The following KCNH8 variants were observed in gnomAD, a reference collection of about 807,000 sequenced individuals.
KCNH8 encodes the protein voltage-gated delayed rectifier potassium channel KCNH8.
In KCNH8, 70 loss-of-function variants were observed where a neutral mutation model predicts 103.6. That is an observed-to-expected ratio of 0.68 (90% confidence interval 0.56 to 0.82). The LOEUF is 0.82. Among genes scored for constraint, KCNH8 ranks in the 40% least tolerant of loss-of-function variants. KCNH8 has a pLI of 0.00. For synonymous variants in KCNH8, 498 were observed against 489.4 expected (o/e 1.02, Z -0.23); for missense variants, 1,217 against 1,329.9 (o/e 0.92, Z 1.32).
In KCNH8 at chr3:19,170,677, C is replaced by CACACACATATAT. The variant is rs1331987858; in HGVS notation, c.76+21896_76+21907dup. ...ACATATATACACACATATATATACA[C>CACACACATATAT]ACACACATATATACACACATATATA... is the stretch of plus-strand genomic sequence containing the variant. On this transcript the variant is annotated intron_variant, in intron 1 of 15. Coordinates refer to ENST00000328405, the MANE Select transcript of KCNH8 (RefSeq NM_144633.3). Among the ~76,000 whole-genome samples, 77 of 144,034 alleles carry CACACACATATAT rather than the reference C, an allele frequency of 5.3e-4. 1 individual carries two copies. The highest frequency in any genetic ancestry group is 3.6e-3 in the Middle Eastern group (1 of 278). The allele number at this position is 144,034 out of a possible 152,430, so 94.5% of individuals were successfully genotyped here. A position where few individuals can be genotyped will look rare whatever the true frequency, so the allele number is the denominator to read the frequency against.
chr3:19,323,724 C>T (rs1441930832), intron 3 of KCNH8, among the ~76,000 whole-genome samples: 1 of 152,086 alleles, frequency 6.6e-6, no homozygotes, highest in African/African-American at 2.4e-5. Context: ...TCCCTTTCCC[C>T]TAAGGATGGG....
chr3:19,239,685 C>T (rs375958464), intron 1 of KCNH8, among the ~76,000 whole-genome samples: 28 of 127,238 alleles, frequency 2.2e-4, no homozygotes, highest in Admixed American at 3.9e-4. Context: ...TATCTATCTA[C>T]CTACCTACCT....
intron 1 of KCNH8, among the ~76,000 whole-genome samples, chr3:19,181,463 A>G (rs1043744370): frequency 6.6e-6 from 1 of 152,186 alleles, no homozygotes; most frequent in African/African-American, 2.4e-5. Context: ...AATTAATGAT[A>G]TGTAAATATC....
chr3:19,314,004 C>T (rs960438504), intron 3 of KCNH8, among the ~76,000 whole-genome samples: 3 of 151,776 alleles, frequency 2.0e-5, no homozygotes, highest in East Asian at 1.9e-4. Flanking sequence ...TACTTGCAAA[C>T]GTTCTCCCCC....
chr3:19,380,896 T>G (rs2066279412), intron 5 of KCNH8, among the ~76,000 whole-genome samples: 4 of 152,214 alleles, frequency 2.6e-5, no homozygotes, highest in African/African-American at 9.6e-5. Context: ...CACAAAAATA[T>G]GAGCAATTTC....
chr3:19,304,026 G>A (rs2065097732), intron 3 of KCNH8, among the ~76,000 whole-genome samples: 1 of 152,066 alleles, frequency 6.6e-6, no homozygotes, highest in Non-Finnish European at 1.5e-5. Context: ...AGAAAATCAG[G>A]CAGTACTAAA....
chr3:19,531,905 A>G (rs1378118899), intron 15 of KCNH8, among the ~76,000 whole-genome samples: 1 of 152,242 alleles, frequency 6.6e-6, no homozygotes, highest in Admixed American at 6.5e-5. Flanking sequence ...TCACGATAGT[A>G]AAATAAAGTC....
intron 11 of KCNH8, among the ~76,000 whole-genome samples, chr3:19,488,643 G>C (rs116543353): frequency 6.6e-6 from 1 of 151,992 alleles, no homozygotes; most frequent in African/African-American, 2.4e-5. Context: ...GTAACCTTTT[G>C]AGCCCCTTTC....
chr3:19,494,315 T>C (rs1000504743), intron 11 of KCNH8, among the ~76,000 whole-genome samples: 14 of 152,330 alleles, frequency 9.2e-5, no homozygotes, highest in African/African-American at 2.4e-4. Flanking sequence ...TGAGAGATGA[T>C]TGAATCATGG....
chr3:19,279,122 C>G (rs2064719521), intron 2 of KCNH8, among the ~76,000 whole-genome samples: 1 of 152,132 alleles, frequency 6.6e-6, no homozygotes, highest in South Asian at 2.1e-4. Context: ...ATTACTTTCT[C>G]TAAGGTCTGA....
Position 19,253,676 on chromosome 3 carries a change from T to A in KCNH8, c.99T>A (p.Asn33Lys). 1 of 1,613,510 alleles carries A rather than the reference T, an allele frequency of 6.2e-7. No individual in the cohort carries two copies. Among genetic ancestry groups the A allele is most frequent in the Non-Finnish European group, 8.5e-7 (1 of 1,179,738 alleles). The part of the protein sequence containing the change: ...DGTHSNFILA[N>K]AQVAKGFPIV... ...TAGATAGCAACTTCATCCTTGCCAATGCCCAGGTGGCTAAGGGTTTCCCCA... is the reference window on the plus strand; with the variant it reads ...TAGATAGCAACTTCATCCTTGCCAAAGCCCAGGTGGCTAAGGGTTTCCCCA... Residue 33 changes from asparagine (N) to lysine (K), a missense_variant, in exon 2 of 16, where the codon AAT becomes AAA. By Grantham distance (94) the Asn-to-Lys change is moderately conservative. Transcript: ENST00000328405.
At chr3:19,438,708 C>T (rs2067236272) in intron 8 of KCNH8, among the ~76,000 whole-genome samples, 1 of 152,156 alleles carries the variant, frequency 6.6e-6, no homozygotes, top group Non-Finnish European at 1.5e-5. Context: ...TTATAATACA[C>T]ATTTGCCCTG....
chr3:19,384,882 A>G (rs998173664), intron 5 of KCNH8, among the ~76,000 whole-genome samples: 1 of 152,188 alleles, frequency 6.6e-6, no homozygotes, highest in Non-Finnish European at 1.5e-5. Flanking sequence ...GAGGCTTACT[A>G]TGTAAAATGA....
At chr3:19,201,664 C>T (rs1325970926) in intron 1 of KCNH8, among the ~76,000 whole-genome samples, 1 of 151,954 alleles carries the variant, frequency 6.6e-6, no homozygotes, top group Non-Finnish European at 1.5e-5. Context: ...CTAACCTGGG[C>T]CCCCCACCTT....
intron 15 of KCNH8, among the ~76,000 whole-genome samples, chr3:19,524,073 T>C (rs2069020263): frequency 6.6e-6 from 1 of 151,870 alleles, no homozygotes; most frequent in African/African-American, 2.4e-5. Context: ...AGAAACAGGA[T>C]ACTACTAATA....
At chr3:19,474,519 C>T (rs917213056) in intron 11 of KCNH8, among the ~76,000 whole-genome samples, 2 of 152,082 alleles carry the variant, frequency 1.3e-5, no homozygotes, top group African/African-American at 4.8e-5. Context: ...ACTGAAGTAC[C>T]TCGAAATTAT....
At chr3:19,492,819 G>T (rs559029637) in intron 11 of KCNH8, among the ~76,000 whole-genome samples, 1 of 145,530 alleles carries the variant, frequency 6.9e-6, no homozygotes, top group Non-Finnish European at 1.5e-5. Context: ...CTTGAGCATG[G>T]AATGTTTTTT....
At chr3:19,201,231 CAAAAAAA>C (rs1170312203) in intron 1 of KCNH8, among the ~76,000 whole-genome samples, 109 of 22,056 alleles carry the variant, frequency 4.9e-3, no homozygotes, top group African/African-American at 0.016. Flanking sequence ...GACTCTGCCT[CAAAAAAA>C]AAAAAAAAAA....
chr3:19,324,181 C>T (rs2065389556), intron 3 of KCNH8, among the ~76,000 whole-genome samples: 1 of 152,068 alleles, frequency 6.6e-6, no homozygotes, highest in South Asian at 2.1e-4. Context: ...GGTGTGGCTG[C>T]TGTGGCTGAT....
Sources: gnomAD v4.1 joint callset for allele counts (sites outside exome capture counted in the v4.1 genomes callset) on GRCh38, gnomAD v4.1.1 for gene constraint, MANE v1.5 for transcripts, NCBI Gene and HGNC (gene_info 2026-07-23, HGNC 2026-07-21) for gene names.